The following ARHGEF4 variants were observed in gnomAD, a reference collection of about 807,000 sequenced individuals.
ARHGEF4 encodes Rho guanine nucleotide exchange factor 4, also known as APC-stimulated guanine nucleotide exchange factor 1.
In ARHGEF4, 119 loss-of-function variants were observed where a neutral mutation model predicts 162.0. The observed-to-expected ratio is 0.73, with a 90% CI of 0.63 to 0.86. The LOEUF is 0.86. Among genes scored for constraint, ARHGEF4 ranks in the 40% least tolerant of loss-of-function variants. ARHGEF4 has a pLI of 0.00. For synonymous variants in ARHGEF4, 1,014 were observed against 979.9 expected (o/e 1.03, Z -0.65); for missense variants, 2,488 against 2,456.0 (o/e 1.01, Z -0.28).
At chr2:131,011,912 C>T (rs1461499223) in intron 4 of ARHGEF4, 7 of 702,214 alleles carry the variant, frequency 1.0e-5, no homozygotes, top group Non-Finnish European at 1.8e-5. Context: ...ACTGGAGGTA[C>T]GTGGTGGACA....
chr2:131,031,332 G>A (rs887952022), intron 5 of ARHGEF4, among the ~76,000 whole-genome samples: 2 of 152,236 alleles, frequency 1.3e-5, no homozygotes, highest in Non-Finnish European at 2.9e-5. Flanking sequence ...GCAGAGCCGC[G>A]AGGCAGTTTG....
At chr2:130,857,058 T>TA (rs1403546071) in intron 1 of ARHGEF4, among the ~76,000 whole-genome samples, 4 of 150,940 alleles carry the variant, frequency 2.7e-5, no homozygotes, top group South Asian at 2.1e-4. Context: ...CCGTCTCTAC[T>TA]AAAAAAAAAT....
At chr2:130,883,308 G>C (rs1286676414) in intron 1 of ARHGEF4, among the ~76,000 whole-genome samples, 5 of 152,060 alleles carry the variant, frequency 3.3e-5, no homozygotes, top group Non-Finnish European at 7.3e-5. Context: ...CGAGTGTGCT[G>C]GGTGAGCAGC....
chr2:130,893,266 C>A (rs1190097239), intron 1 of ARHGEF4, among the ~76,000 whole-genome samples: 1 of 152,204 alleles, frequency 6.6e-6, no homozygotes, highest in East Asian at 1.9e-4. Flanking sequence ...TCCTGCCTGC[C>A]CTGGCTCACC....
chr2:130,864,373 C>G (rs1311736226), intron 1 of ARHGEF4, among the ~76,000 whole-genome samples: 3 of 152,060 alleles, frequency 2.0e-5, no homozygotes, highest in African/African-American at 4.8e-5. Flanking sequence ...TTAGTAGTTG[C>G]CTGGGGCTGG....
chr2:131,040,081 G>A lies in ARHGEF4; in HGVS notation c.4371G>A (p.Glu1457=), dbSNP rs753443077. The A allele has an allele frequency of 6.2e-6, 10 of 1,605,104 alleles. No individual in the cohort carries two copies. The highest frequency in any genetic ancestry group is 4.4e-5 in the South Asian group (4 of 89,990). Residue 1457 remains glutamate (E), a synonymous_variant, in exon 7 of 14, where the codon GAG becomes GAA. Transcript: ENST00000409359. ...DAPLAGNSGA[E]DGGAEAQSSK... ...CTCTGGCCGGGAACAGCGGAGCGGAGGACGGCGGGGCGGAGGCGCAGAGCA... is the reference window on the plus strand; with the variant it reads ...CTCTGGCCGGGAACAGCGGAGCGGAAGACGGCGGGGCGGAGGCGCAGAGCA...
At chr2:130,934,757 T>C (rs1682836911) in intron 3 of ARHGEF4, among the ~76,000 whole-genome samples, 1 of 152,210 alleles carries the variant, frequency 6.6e-6, no homozygotes, top group South Asian at 2.1e-4. Context: ...TTGGCCAGGC[T>C]GGTCTCGAAC....
chr2:130,995,204 C>T (rs1401417416), intron 4 of ARHGEF4, among the ~76,000 whole-genome samples: 1 of 152,230 alleles, frequency 6.6e-6, no homozygotes, highest in Non-Finnish European at 1.5e-5. Flanking sequence ...CTCTCGCCTT[C>T]TCCTCTGTGC....
chr2:130,913,852 C>T, intron 1 of ARHGEF4, 134 bp from the exon 2 acceptor site: 1 of 1,086,160 alleles, frequency 9.2e-7, no homozygotes, highest in Non-Finnish European at 1.3e-6. Flanking sequence ...ACTTACCTCC[C>T]TTCCTAGGGG....
At chr2:131,043,398 T>C (rs1690974003) in intron 10 of ARHGEF4, 54 bp from the exon 11 acceptor site, 14 of 1,606,780 alleles carry the variant, frequency 8.7e-6, no homozygotes, top group Non-Finnish European at 1.2e-5. Context: ...GGGCAGGAAG[T>C]GGAGCCCACG....
chr2:131,012,337 G>A (rs1688507917), intron 4 of ARHGEF4, among the ~76,000 whole-genome samples: 1 of 152,144 alleles, frequency 6.6e-6, no homozygotes, highest in Non-Finnish European at 1.5e-5. Context: ...AGTGGCACGG[G>A]GCAGGTGTCA....
intron 3 of ARHGEF4, among the ~76,000 whole-genome samples, chr2:130,935,016 T>C (rs1479609048): frequency 6.6e-6 from 1 of 152,238 alleles, no homozygotes; most frequent in African/African-American, 2.4e-5. Context: ...CTAATTTTAG[T>C]AATTTGTATT....
In ARHGEF4 at chr2:130,915,828, A is replaced by C. The variant is rs1407520325; in HGVS notation, c.1882A>C (p.Arg628=). 9.2e-6 allele frequency: 14 copies of C among 1,527,858 alleles called. No individual in the cohort carries two copies. The highest frequency in any genetic ancestry group is 1.1e-5 in the Non-Finnish European group (13 of 1,135,948). 94.6% of individuals were successfully genotyped at this position (1,527,858 alleles called of 1,614,324 possible). Reference sequence around the variant, plus strand: ...AGCAGGCGGCGAGGCCTCGAGGGGCAGGGGCGCCCTCATCATTGTAGCTGT... The same window carrying C: ...AGCAGGCGGCGAGGCCTCGAGGGGCCGGGGCGCCCTCATCATTGTAGCTGT... The part of the protein sequence containing the change: ...PKAGGEASRG[R]GALIIVAVEQ... The change falls in exon 2 of 14, where the codon AGG becomes CGG. Residue 628 remains arginine, a synonymous_variant. Transcript: ENST00000409359.
At chr2:130,918,575 G>A (rs777273619) in intron 2 of ARHGEF4, among the ~76,000 whole-genome samples, 3 of 152,236 alleles carry the variant, frequency 2.0e-5, no homozygotes, top group South Asian at 2.1e-4. Context: ...CCTGCAGGCA[G>A]ATGTCAGCCA....
intron 1 of ARHGEF4, among the ~76,000 whole-genome samples, chr2:130,853,693 T>A (rs1422026020): frequency 2.0e-5 from 3 of 152,204 alleles, no homozygotes; most frequent in Non-Finnish European, 4.4e-5. Flanking sequence ...TATGGTGCGG[T>A]CTGCCCCTCT....
chr2:130,927,330 C>T (rs1433124378), intron 2 of ARHGEF4, among the ~76,000 whole-genome samples: 4 of 152,154 alleles, frequency 2.6e-5, no homozygotes, highest in Non-Finnish European at 5.9e-5. Flanking sequence ...GGAAGACTGG[C>T]CTCACACATT....
chr2:130,900,323 G>A (rs960067466), intron 1 of ARHGEF4, among the ~76,000 whole-genome samples: 2 of 151,352 alleles, frequency 1.3e-5, no homozygotes, highest in African/African-American at 2.5e-5. Flanking sequence ...AACTATAACC[G>A]TGGGTTTTTC....
intron 4 of ARHGEF4, among the ~76,000 whole-genome samples, chr2:130,980,478 T>C (rs1686048668): frequency 1.3e-5 from 2 of 152,018 alleles, no homozygotes; most frequent in Non-Finnish European, 2.9e-5. Context: ...AAATGATAAA[T>C]GCAAATATCA....
chr2:130,964,120 G>T (rs1329822730), intron 4 of ARHGEF4: 3 of 959,064 alleles, frequency 3.1e-6, no homozygotes, highest in Non-Finnish European at 1.2e-6. Context: ...CAGCAGCAGC[G>T]CCGGGCTGTC....
Sources: allele counts gnomAD v4.1 joint callset (sites outside exome capture counted in the v4.1 genomes callset), GRCh38; gene constraint gnomAD v4.1.1; transcripts MANE v1.5; gene names NCBI Gene and HGNC (gene_info 2026-07-23, HGNC 2026-07-21).